Variants in ACTN1 observed in about 807,000 individuals in gnomAD.
ACTN1 encodes the protein actinin alpha 1, also known as alpha-actinin-1.
Under a neutral mutation model 119.6 loss-of-function variants are expected in ACTN1, and 30 were observed. The observed-to-expected ratio is 0.25, with a 90% confidence interval of 0.19 to 0.34. The LOEUF (loss-of-function observed/expected upper bound fraction) is 0.34, where lower values mean the gene tolerates loss of function less well. ACTN1 is among the 10% of genes least tolerant of loss of function. The pLI, the probability that ACTN1 is intolerant of heterozygous loss-of-function variation, is 1.00. For synonymous variants in ACTN1, 429 were observed against 472.6 expected (o/e 0.91, Z 1.20); for missense variants, 764 against 1,223.4 (o/e 0.62, Z 5.60).
intron 1 of ACTN1, among the ~76,000 whole-genome samples, chr14:68,954,315 AATTT>A (rs377224619): frequency 6.6e-6 from 1 of 151,714 alleles, no homozygotes; most frequent in African/African-American, 2.4e-5. Flanking sequence ...ACACACAGAG[AATTT>A]ATTTATTTAT....
intron 13 of ACTN1, among the ~76,000 whole-genome samples, 178 bp from the exon 14 acceptor site, chr14:68,884,486 T>C (rs2031829809): frequency 1.3e-5 from 2 of 152,160 alleles, no homozygotes; most frequent in Admixed American, 1.3e-4. Flanking sequence ...CTGGCCTGGG[T>C]CCCAGAGTCT....
intron 9 of ACTN1, 22 bp downstream of exon 9, chr14:68,893,633 A>C (rs373714020): frequency 1.6e-4 from 257 of 1,611,332 alleles, no homozygotes; most frequent in Non-Finnish European, 1.9e-4. Flanking sequence ...GAGTCAGGCC[A>C]GGTGAACCCG....
rs377509054 is a variant in ACTN1, at chr14:68,893,745, C to T, written c.765G>A (p.Ala255=). ...FYHAFSGAQK[A]ETAANRICKV... ...TGCAGATGCGATTGGCTGCTGTCTCCGCCTGGCAACAAGACAGAGAGAGTC... is the reference window on the plus strand; with the variant it reads ...TGCAGATGCGATTGGCTGCTGTCTCTGCCTGGCAACAAGACAGAGAGAGTC... Residue 255 remains alanine (A), a splice_region_variant and synonymous_variant, in exon 9 of 22, where the codon GCG becomes GCA. Transcript: ENST00000394419. 9.3e-6 allele frequency: 15 copies of T among 1,613,586 alleles called. No individual in the cohort carries two copies. The highest frequency in any genetic ancestry group is 6.7e-5 in the East Asian group (3 of 44,882).
chr14:68,877,101 T>C lies in ACTN1; in HGVS notation c.2567A>G (p.Lys856Arg), dbSNP rs201843819. ...DTADQVMASF[K>R]ILAGDKNYIT... ...ACCCACCTTGTCCCCAGCCAGGATC[T>C]TGAAGGAAGCCATGACTTGGTCTGC... Residue 856 changes from lysine (K) to arginine (R), a missense_variant, in exon 21 of 22, where the codon AAG becomes AGG. By Grantham distance (26) the Lys-to-Arg change is conservative (BLOSUM62 2). Transcript: ENST00000394419. The C allele has an allele frequency of 1.9e-6, 3 of 1,614,128 alleles. No individual in the cohort carries two copies. Among genetic ancestry groups the C allele is most frequent in the Admixed American group, 1.7e-5 (1 of 60,012 alleles).
chr14:68,892,217 C>T lies in ACTN1; in HGVS notation c.922G>A (p.Ala308Thr), dbSNP rs1235422095. ...AAGTCCTCCAGCTTCTGTTGCATGG[C>T]ATGCATGGTGTTCTCGGGCACCCGG... The part of the protein sequence containing the change: ...ENRVPENTMH[A>T]MQQKLEDFRD... The change falls in exon 10 of 22, where the codon GCC becomes ACC. Residue 308 changes from alanine to threonine, a missense_variant. Around this residue, in one of 4 missense-constraint regions of ACTN1, gnomAD observed 544 missense variants for 912.0 expected, o/e 0.60. Transcript: ENST00000394419. The T allele has an allele frequency of 1.2e-6, 2 of 1,614,198 alleles. No individual in the cohort carries two copies. Among genetic ancestry groups the T allele is most frequent in the South Asian group, 1.1e-5 (1 of 91,080 alleles).
rs764688222 is a variant in ACTN1 at position 68,893,765 on chromosome 14, A to G, written c.763-18T>C. 1 of 1,612,804 alleles carries G rather than the reference A, an allele frequency of 6.2e-7. No homozygotes were observed. Among genetic ancestry groups the G allele is most frequent in the African/African-American group, 1.3e-5 (1 of 75,058 alleles). On this transcript the variant is annotated intron_variant, in intron 8 of 21. Coordinates refer to ENST00000394419, the MANE Select transcript of ACTN1 (RefSeq NM_001130004.2). ...GTCTCCGCCTGGCAACAAGACAGAG[A>G]GAGTCACGACCAGCCAGCCCCAGCA... is the stretch of plus-strand genomic sequence containing the variant.
At chr14:68,895,627 A>C (rs554599626) in intron 8 of ACTN1, among the ~76,000 whole-genome samples, 22 of 152,308 alleles carry the variant, frequency 1.4e-4, no homozygotes, top group Admixed American at 1.1e-3. Context: ...TGTGCCACTC[A>C]AACAGCTGAA....
rs1371842466 is a variant in ACTN1, at chr14:68,880,407, A to C, written c.2134-299T>G. 6.6e-6 allele frequency among the ~76,000 whole-genome samples: 1 copy of C among 152,056 alleles called. No homozygotes were observed. The highest frequency in any genetic ancestry group is 1.5e-5 in the Non-Finnish European group (1 of 68,000). Reference sequence around the variant, plus strand: ...ATTTGGGGGTAGGAAAGATTGAGACAAAAAAATGTGTGATTCCCCGAACCT... The same window carrying C: ...ATTTGGGGGTAGGAAAGATTGAGACCAAAAAATGTGTGATTCCCCGAACCT... On this transcript the variant is annotated intron_variant, in intron 17 of 21. Coordinates refer to ENST00000394419, the MANE Select transcript of ACTN1 (RefSeq NM_001130004.2). The surrounding 1 kb of genome is among the most constrained non-coding windows in gnomAD (Gnocchi z 4.6).
intron 1 of ACTN1, among the ~76,000 whole-genome samples, chr14:68,970,078 A>T (rs1287020301): frequency 6.6e-6 from 1 of 152,120 alleles, no homozygotes; most frequent in Non-Finnish European, 1.5e-5. Flanking sequence ...ATGCTCCCCT[A>T]CAAGCCCTGG....
chr14:68,885,515 G>C lies in ACTN1; in HGVS notation c.1295C>G (p.Ala432Gly). The change falls in exon 12 of 22, where the codon GCC (alanine) becomes GGC (glycine). Residue 432 changes from alanine (A) to glycine (G), a missense_variant. Ala to Gly is a moderately conservative substitution (Grantham distance 60). This residue lies in a region of ACTN1 where 544 missense variants were observed against 912.0 expected (regional missense o/e 0.60). Transcript: ENST00000394419. The surrounding 1 kb of genome is among the most constrained non-coding windows in gnomAD (Gnocchi z 5.6). Reference protein sequence around the residue: ...YETATLSEIKALLKKHEAFES... With the variant: ...YETATLSEIKGLLKKHEAFES... ...GAAGGCCTCATGCTTCTTGAGCAGG[G>C]CCTTGATCTCCGAGAGGGTGGCGGT... The C allele has an allele frequency of 1.2e-6, 2 of 1,614,128 alleles. No individual in the cohort carries two copies. Among genetic ancestry groups the C allele is most frequent in the Non-Finnish European group, 1.7e-6 (2 of 1,180,018 alleles).
At chr14:68,905,150 T>C (rs1328383763) in intron 6 of ACTN1, among the ~76,000 whole-genome samples, 1 of 151,770 alleles carries the variant, frequency 6.6e-6, no homozygotes, top group Non-Finnish European at 1.5e-5. Flanking sequence ...AACTCAAGAG[T>C]TGGGGTAGGG....
At chr14:68,934,180 T>C (rs147251089) in intron 1 of ACTN1, among the ~76,000 whole-genome samples, 2 of 152,298 alleles carry the variant, frequency 1.3e-5, no homozygotes, top group Non-Finnish European at 2.9e-5. Flanking sequence ...ACACACGTAA[T>C]AATGTATGAC....
chr14:68,964,112 C>A (rs2036625595), intron 1 of ACTN1, among the ~76,000 whole-genome samples: 1 of 152,160 alleles, frequency 6.6e-6, no homozygotes. Context: ...AAAGGATGAA[C>A]AGCAAATAAG....
At chr14:68,908,336 G>A (rs928117278) in intron 6 of ACTN1, among the ~76,000 whole-genome samples, 14 of 152,150 alleles carry the variant, frequency 9.2e-5, no homozygotes, top group African/African-American at 2.9e-4. Context: ...CTGCCCCAGT[G>A]ATATTAAACC....
chr14:68,935,431 G>C (rs2035451007), intron 1 of ACTN1, among the ~76,000 whole-genome samples: 1 of 133,334 alleles, frequency 7.5e-6, no homozygotes, highest in African/African-American at 2.9e-5. Context: ...GTCTGCCCAG[G>C]CTGGAGTGCA....
intron 3 of ACTN1, among the ~76,000 whole-genome samples, chr14:68,916,895 G>A (rs533291021): frequency 6.6e-6 from 1 of 152,216 alleles, no homozygotes; most frequent in South Asian, 2.1e-4. Flanking sequence ...ACGGCAGAAT[G>A]AATGCTGCAG....
chr14:68,954,998 A>C (rs1311073737), intron 1 of ACTN1, among the ~76,000 whole-genome samples: 2 of 152,108 alleles, frequency 1.3e-5, no homozygotes, highest in East Asian at 3.9e-4. Context: ...TCGTCAACCT[A>C]GTCCACTCTG....
At chr14:68,971,764 G>A (rs1358038868) in intron 1 of ACTN1, among the ~76,000 whole-genome samples, 2 of 152,188 alleles carry the variant, frequency 1.3e-5, no homozygotes, top group Non-Finnish European at 1.5e-5. Context: ...CCCTCTTAAT[G>A]GAGAACAGAT....
rs1566597273 is a variant in ACTN1 at position 68,885,427 on chromosome 14, G to C, written c.1383C>G (p.Leu461=). Residue 461 remains leucine, a splice_region_variant and synonymous_variant, in exon 12 of 22, where the codon CTC becomes CTG. Coordinates refer to ENST00000394419, the MANE Select transcript of ACTN1 (RefSeq NM_001130004.2). The surrounding 1 kb of genome is among the most constrained non-coding windows in gnomAD (Gnocchi z 5.6). ...VEQIAAIAQE[L]NELDYYDSPS... is the part of the protein sequence containing the mutation. ...TAGGGGTGTCTGGGGCCACCTACTT[G>C]AGCTCCTGTGCGATGGCGGCAATCT... 1 of 1,608,918 alleles carries C rather than the reference G, an allele frequency of 6.2e-7. No homozygotes were observed. The highest frequency in any genetic ancestry group is 2.2e-5 in the East Asian group (1 of 44,728).
Sources: gnomAD v4.1 joint callset for allele counts (sites outside exome capture counted in the v4.1 genomes callset) on GRCh38, gnomAD v4.1.1 for gene constraint, gnomAD v4.1.1 regional missense constraint, Gnocchi (gnomAD v3.1) non-coding constraint, MANE v1.5 for transcripts, NCBI Gene and HGNC (gene_info 2026-07-23, HGNC 2026-07-21) for gene names.